The following LY6S variants were observed in gnomAD, a reference collection of about 807,000 sequenced individuals.
LY6S encodes lymphocyte antigen 6S.
chr8:143,048,185 G>A, the LY6S span, among the ~76,000 whole-genome samples: 2 of 152,162 alleles, frequency 1.3e-5, no homozygotes, highest in African/African-American at 2.4e-5. Flanking sequence ...TTTGCCCAGG[G>A]CTGTTTCAGT....
chr8:143,044,903 C>A, the LY6S span: 9 of 1,170,786 alleles, frequency 7.7e-6, no homozygotes, highest in South Asian at 3.0e-5. Flanking sequence ...CTCACCACCA[C>A]CCTTGTCCCA....
At chr8:143,054,728 A>G in the LY6S span, among the ~76,000 whole-genome samples, 1 of 152,100 alleles carries the variant, frequency 6.6e-6, no homozygotes, top group African/African-American at 2.4e-5. Context: ...ACGTACCAAC[A>G]TTGCGCGAGC....
the LY6S span, among the ~76,000 whole-genome samples, chr8:143,046,049 C>T: frequency 1.4e-4 from 22 of 152,144 alleles, no homozygotes; most frequent in Non-Finnish European, 2.6e-4. Context: ...GATGGGGTTT[C>T]ACCATGTTGG....
chr8:143,066,508 G>T, the LY6S span: 1 of 269,862 alleles, frequency 3.7e-6, no homozygotes, highest in South Asian at 4.7e-5. Flanking sequence ...CACACATCAG[G>T]CACCATTCGT....
the LY6S span, among the ~76,000 whole-genome samples, chr8:143,055,201 T>TG: frequency 2.0e-5 from 3 of 152,238 alleles, no homozygotes; most frequent in South Asian, 2.1e-4. Flanking sequence ...TGTTTTTTTT[T>TG]TTTGTTGTTG....
At chr8:143,054,176 G>C in the LY6S span, 1 of 151,870 alleles carries the variant, frequency 6.6e-6, no homozygotes, top group Non-Finnish European at 1.5e-5. Context: ...CGTGGTGGTG[G>C]GTGCCTGTAA....
the LY6S span, among the ~76,000 whole-genome samples, chr8:143,064,603 A>G: frequency 6.6e-6 from 1 of 152,156 alleles, no homozygotes; most frequent in African/African-American, 2.4e-5. Context: ...ATGATACTGA[A>G]CTTGTGTGTG....
the LY6S span, among the ~76,000 whole-genome samples, chr8:143,073,806 C>T: frequency 1.1e-4 from 12 of 112,828 alleles, no homozygotes; most frequent in African/African-American, 2.1e-4. Context: ...GCCGTCGTCC[C>T]CGGGGTCCCT....
chr8:143,052,469 G>A, the LY6S span, among the ~76,000 whole-genome samples: 12 of 152,168 alleles, frequency 7.9e-5, no homozygotes, highest in Non-Finnish European at 1.2e-4. Context: ...GTCCAGCAGC[G>A]AGGAACCCAG....
chr8:143,047,723 G>A, the LY6S span: 1 of 152,100 alleles, frequency 6.6e-6, no homozygotes, highest in Non-Finnish European at 1.5e-5. Context: ...TGACACATGC[G>A]ACGTATGAGC....
chr8:143,054,633 C>T, the LY6S span, among the ~76,000 whole-genome samples: 15 of 152,340 alleles, frequency 9.8e-5, no homozygotes, highest in East Asian at 3.9e-4. Context: ...AGCGCTCCAT[C>T]GCTTACAGCT....
the LY6S span, chr8:143,057,407 G>A: frequency 2.2e-6 from 1 of 449,014 alleles, no homozygotes; most frequent in South Asian, 2.0e-5. Flanking sequence ...CTGCCACCAT[G>A]CCCGGCTACA....
chr8:143,073,700 G>T, the LY6S span, among the ~76,000 whole-genome samples: 1 of 123,948 alleles, frequency 8.1e-6, no homozygotes, highest in Non-Finnish European at 1.6e-5. Context: ...GACAGCCGTT[G>T]TCCCCAGGGC....
At chr8:143,070,480 TA>T in the LY6S span, among the ~76,000 whole-genome samples, 1 of 103,984 alleles carries the variant, frequency 9.6e-6, no homozygotes, top group African/African-American at 5.3e-5. Flanking sequence ...TATATAAATA[TA>T]TATATATATT....
chr8:143,074,435 G>GC, the LY6S span, among the ~76,000 whole-genome samples: 1 of 151,884 alleles, frequency 6.6e-6, no homozygotes, highest in Non-Finnish European at 1.5e-5. Context: ...AATCCTTTTT[G>GC]CTACTATATG....
the LY6S span, among the ~76,000 whole-genome samples, chr8:143,070,443 ATTGT>A: frequency 1.4e-5 from 1 of 71,558 alleles, no homozygotes; most frequent in African/African-American, 8.1e-5. Context: ...TTATATATAT[ATTGT>A]ATATATATAT....
At chr8:143,044,810 A>G in the LY6S span, 2 of 1,366,262 alleles carry the variant, frequency 1.5e-6, no homozygotes, top group South Asian at 1.1e-5. Context: ...GCTGGGAGAG[A>G]GGGCAAGGTG....
At chr8:143,055,583 T>G in the LY6S span, among the ~76,000 whole-genome samples, 7 of 151,996 alleles carry the variant, frequency 4.6e-5, no homozygotes, top group Admixed American at 2.6e-4. Flanking sequence ...AATAAAAATT[T>G]CCCCCCAAAA....
chr8:143,069,855 G>T, the LY6S span, among the ~76,000 whole-genome samples: 1 of 152,240 alleles, frequency 6.6e-6, no homozygotes, highest in African/African-American at 2.4e-5. Flanking sequence ...CCAGTAAAGA[G>T]CCCTTTCCTG....
Sources: gnomAD v4.1 joint callset for allele counts (sites outside exome capture counted in the v4.1 genomes callset) on GRCh38, gnomAD v4.1.1 for gene constraint, MANE v1.5 for transcripts, NCBI Gene and HGNC (gene_info 2026-07-23, HGNC 2026-07-21) for gene names.